Variants in NRG3 observed in about 807,000 individuals in gnomAD.
NRG3 encodes neuregulin 3.
In NRG3, 31 loss-of-function variants were observed where a neutral mutation model predicts 66.9. The ratio of observed to expected loss-of-function variants is 0.46; its 90% CI spans 0.35 to 0.63. The LOEUF is 0.63. Among genes scored for constraint, NRG3 ranks in the 20% least tolerant of loss-of-function variants. NRG3 has a pLI of 0.00. For missense variants in NRG3, 910 were observed against 878.9 expected, an observed-to-expected ratio of 1.04 and a Z score of -0.45; for synonymous variants, 393 against 359.4, an observed-to-expected ratio of 1.09 and a Z score of -1.06.
intron 2 of NRG3, among the ~76,000 whole-genome samples, chr10:82,386,790 C>CT (rs2086024059): frequency 6.6e-6 from 1 of 151,918 alleles, no homozygotes; most frequent in Admixed American, 6.6e-5. Context: ...TTTTTCTCTT[C>CT]TTTTTATTTA....
intron 6 of NRG3, among the ~76,000 whole-genome samples, chr10:82,959,678 C>T (rs1479604517): frequency 6.6e-6 from 1 of 152,112 alleles, no homozygotes. Context: ...CCTAAAAATG[C>T]ATGTTATGTT....
At chr10:81,942,915 A>G (rs1032742311) in intron 1 of NRG3, among the ~76,000 whole-genome samples, 23 of 152,214 alleles carry the variant, frequency 1.5e-4, no homozygotes, top group African/African-American at 4.8e-4. Flanking sequence ...AGAAACATTA[A>G]TATTAATCAC....
intron 6 of NRG3, among the ~76,000 whole-genome samples, chr10:82,968,993 G>C (rs142508675): frequency 1.3e-5 from 2 of 152,266 alleles, no homozygotes; most frequent in East Asian, 3.9e-4. Flanking sequence ...GATCTCATGA[G>C]ACTTATTCAC....
At chr10:82,539,757 C>A (rs566960547) in intron 2 of NRG3, among the ~76,000 whole-genome samples, 1 of 151,988 alleles carries the variant, frequency 6.6e-6, no homozygotes, top group Non-Finnish European at 1.5e-5. Context: ...CTCAGCCTCC[C>A]GAGTAGCTGG....
chr10:82,624,652 T>A (rs1019038022), intron 2 of NRG3, among the ~76,000 whole-genome samples: 6 of 150,742 alleles, frequency 4.0e-5, no homozygotes, highest in African/African-American at 1.5e-4. Context: ...AAATTATAAG[T>A]CTATATTTGC....
intron 3 of NRG3, among the ~76,000 whole-genome samples, chr10:82,808,334 T>A (rs546247243): frequency 2.0e-5 from 3 of 152,300 alleles, no homozygotes; most frequent in African/African-American, 7.2e-5. Flanking sequence ...GAATGATACA[T>A]TGAGATCATT....
chr10:82,757,164 A>G (rs2059114657), intron 3 of NRG3, among the ~76,000 whole-genome samples: 1 of 152,098 alleles, frequency 6.6e-6, no homozygotes, highest in African/African-American at 2.4e-5. Flanking sequence ...TTATACTCAC[A>G]TAAAATGAGC....
chr10:82,673,771 ACCAACTAGAAAGTTAGGT>A (rs1387928271), intron 2 of NRG3, among the ~76,000 whole-genome samples: 1 of 152,212 alleles, frequency 6.6e-6, no homozygotes, highest in Non-Finnish European at 1.5e-5. Flanking sequence ...ATGTGAAGAT[ACCAACTAGAAAGTTAGGT>A]CTGGAGCTCA....
intron 1 of NRG3, among the ~76,000 whole-genome samples, chr10:82,262,208 A>G (rs2078065914): frequency 6.6e-6 from 1 of 152,174 alleles, no homozygotes; most frequent in Non-Finnish European, 1.5e-5. Flanking sequence ...TAAAGGTGAG[A>G]TTTGAGTTGA....
intron 1 of NRG3, among the ~76,000 whole-genome samples, chr10:82,085,892 C>T (rs1464030501): frequency 2.0e-5 from 3 of 152,202 alleles, no homozygotes; most frequent in African/African-American, 7.2e-5. Flanking sequence ...CCCGCCTAAG[C>T]CTCCCAAAAT....
chr10:82,941,057 A>G (rs1235235616), intron 4 of NRG3, among the ~76,000 whole-genome samples: 1 of 152,140 alleles, frequency 6.6e-6, no homozygotes, highest in African/African-American at 2.4e-5. Flanking sequence ...AGTGTAAAAG[A>G]CATGGAGCCT....
chr10:82,902,035 G>A (rs900793984), intron 4 of NRG3, among the ~76,000 whole-genome samples: 3 of 152,088 alleles, frequency 2.0e-5, no homozygotes, highest in Non-Finnish European at 4.4e-5. Context: ...ATAGCTAGAT[G>A]GATATAACCA....
chr10:82,441,557 T>G (rs2090432660), intron 2 of NRG3, among the ~76,000 whole-genome samples: 1 of 152,182 alleles, frequency 6.6e-6, no homozygotes, highest in Non-Finnish European at 1.5e-5. Context: ...GCCAATTCAA[T>G]GACTGTCCTG....
intron 1 of NRG3, among the ~76,000 whole-genome samples, chr10:82,056,662 T>C (rs2063860348): frequency 6.6e-6 from 1 of 152,224 alleles, no homozygotes; most frequent in Admixed American, 6.5e-5. Flanking sequence ...TGAAATTTTC[T>C]TTTTTAACAG....
chr10:82,504,872 CTT>C (rs113956199), intron 2 of NRG3, among the ~76,000 whole-genome samples: 1 of 147,428 alleles, frequency 6.8e-6, no homozygotes. Context: ...CTTTTTTTTA[CTT>C]TTTTTTTTGT....
intron 1 of NRG3, among the ~76,000 whole-genome samples, chr10:82,162,851 C>A (rs2071709140): frequency 6.6e-6 from 1 of 152,174 alleles, no homozygotes; most frequent in Non-Finnish European, 1.5e-5. Context: ...ATAAAGCTCT[C>A]CAAATCTGTC....
At chr10:82,267,610 T>G (rs560737750) in intron 1 of NRG3, among the ~76,000 whole-genome samples, 1 of 152,338 alleles carries the variant, frequency 6.6e-6, no homozygotes, top group African/African-American at 2.4e-5. Context: ...AACTCACAGA[T>G]GGAATGACTA....
chr10:82,887,498 G>C (rs957991828), intron 4 of NRG3, among the ~76,000 whole-genome samples: 2 of 152,188 alleles, frequency 1.3e-5, no homozygotes, highest in Non-Finnish European at 2.9e-5. Flanking sequence ...TAAATGCTTT[G>C]TTTTATAATT....
chr10:82,888,869 A>G (rs1842924876), intron 4 of NRG3, among the ~76,000 whole-genome samples: 1 of 152,106 alleles, frequency 6.6e-6, no homozygotes, highest in Non-Finnish European at 1.5e-5. Flanking sequence ...GTGGAAATTG[A>G]AGTTAAGGAA....
Sources: gnomAD v4.1 joint callset for allele counts (sites outside exome capture counted in the v4.1 genomes callset) on GRCh38, gnomAD v4.1.1 for gene constraint, MANE v1.5 for transcripts, NCBI Gene and HGNC (gene_info 2026-07-23, HGNC 2026-07-21) for gene names.